UBE2E3: variants seen among roughly 807,000 people sequenced by gnomAD.
UBE2E3 encodes the protein ubiquitin-conjugating enzyme E2 E3.
A neutral mutation model predicts 23.6 loss-of-function variants in UBE2E3; 5 were observed. That is an observed-to-expected ratio of 0.21 (90% confidence interval 0.11 to 0.44). The LOEUF (loss-of-function observed/expected upper bound fraction) is 0.44. UBE2E3 is among the 20% of genes least tolerant of loss of function. The pLI, the probability that UBE2E3 is intolerant of heterozygous loss-of-function variation, is 0.99. For synonymous variants in UBE2E3, 78 were observed against 87.5 expected, an observed-to-expected ratio of 0.89 and a Z score of 0.60; for missense variants, 81 against 249.8, an observed-to-expected ratio of 0.32 and a Z score of 4.55.
At chr2:181,023,480 A>T (rs550729594) in intron 3 of UBE2E3, among the ~76,000 whole-genome samples, 4 of 152,296 alleles carry the variant, frequency 2.6e-5, no homozygotes, top group African/African-American at 9.6e-5. Context: ...TCATTTGATA[A>T]TAAGGAGTTT....
chr2:181,049,714 A>C (rs770704837), intron 3 of UBE2E3, among the ~76,000 whole-genome samples: 6 of 152,006 alleles, frequency 3.9e-5, no homozygotes, highest in African/African-American at 7.2e-5. Context: ...CAGATGCCAT[A>C]GTTTTTTTAC....
At chr2:181,022,238 G>T (rs1685727036) in intron 3 of UBE2E3, among the ~76,000 whole-genome samples, 6 of 151,550 alleles carry the variant, frequency 4.0e-5, no homozygotes, top group Admixed American at 4.0e-4. Context: ...AACCTTTTTG[G>T]TTAGACTCTT....
At chr2:181,043,550 AAT>A (rs1228473911) in intron 3 of UBE2E3, among the ~76,000 whole-genome samples, 3 of 152,298 alleles carry the variant, frequency 2.0e-5, no homozygotes, top group Middle Eastern at 3.4e-3. Context: ...AAAATCCAAA[AAT>A]ATAAAAAAAG....
intron 3 of UBE2E3, among the ~76,000 whole-genome samples, chr2:181,051,742 A>G (rs529419747): frequency 6.6e-6 from 1 of 151,960 alleles, no homozygotes; most frequent in African/African-American, 2.4e-5. Flanking sequence ...TATGTGTGCA[A>G]ATTCTTAGGA....
chr2:181,060,537 A>T, intron 4 of UBE2E3, 128 bp from the exon 5 acceptor site: 1 of 1,015,304 alleles, frequency 9.8e-7, no homozygotes, highest in Non-Finnish European at 1.3e-6. Flanking sequence ...TATTAAACCT[A>T]ATCTAAGTTT....
At chr2:181,025,269 A>C (rs1449155877) in intron 3 of UBE2E3, among the ~76,000 whole-genome samples, 1 of 151,964 alleles carries the variant, frequency 6.6e-6, no homozygotes, top group African/African-American at 2.4e-5. Flanking sequence ...TAGACCACAG[A>C]AACCTTGCTC....
At chr2:180,998,352 A>G (rs1684892893) in intron 3 of UBE2E3, among the ~76,000 whole-genome samples, 1 of 152,054 alleles carries the variant, frequency 6.6e-6, no homozygotes, top group Admixed American at 6.6e-5. Flanking sequence ...GTGGCCTACT[A>G]AATGTGCATT....
chr2:181,014,480 A>G (rs1401669847), intron 3 of UBE2E3, among the ~76,000 whole-genome samples: 2 of 152,178 alleles, frequency 1.3e-5, no homozygotes, highest in African/African-American at 4.8e-5. Context: ...TTAACTTTTA[A>G]TGATTGATTA....
At chr2:181,038,112 C>G (rs899289378) in intron 3 of UBE2E3, among the ~76,000 whole-genome samples, 1 of 152,216 alleles carries the variant, frequency 6.6e-6, no homozygotes, top group Non-Finnish European at 1.5e-5. Flanking sequence ...CTACTCACCC[C>G]TGACTCACCC....
At chr2:181,018,694 C>G (rs1685576936) in intron 3 of UBE2E3, among the ~76,000 whole-genome samples, 1 of 150,066 alleles carries the variant, frequency 6.7e-6, no homozygotes, top group Non-Finnish European at 1.5e-5. Context: ...CTCACACTTT[C>G]CCAGTCCTCC....
intron 3 of UBE2E3, among the ~76,000 whole-genome samples, chr2:181,031,870 A>G (rs539195705): frequency 2.6e-5 from 4 of 152,298 alleles, no homozygotes; most frequent in African/African-American, 9.6e-5. Context: ...AATTTTAATC[A>G]GCTCCTTTCC....
intron 3 of UBE2E3, among the ~76,000 whole-genome samples, chr2:181,036,119 CAAAG>C (rs967698600): frequency 9.9e-5 from 15 of 152,202 alleles, no homozygotes; most frequent in Middle Eastern, 3.4e-3. Flanking sequence ...CTAATTTTTG[CAAAG>C]AAAGAACGAA....
chr2:181,033,511 C>T (rs1291938420), intron 3 of UBE2E3, among the ~76,000 whole-genome samples: 2 of 152,140 alleles, frequency 1.3e-5, no homozygotes, highest in African/African-American at 4.8e-5. Flanking sequence ...CTTCCTTACA[C>T]CTTATACAAA....
intron 3 of UBE2E3, among the ~76,000 whole-genome samples, chr2:181,050,885 T>C (rs188551186): frequency 1.3e-5 from 2 of 152,082 alleles, no homozygotes; most frequent in Admixed American, 1.3e-4. Context: ...TCTGGTGTGC[T>C]TTGAAACTTC....
intron 3 of UBE2E3, among the ~76,000 whole-genome samples, chr2:180,995,743 T>C (rs531987119): frequency 1.3e-5 from 2 of 152,044 alleles, no homozygotes; most frequent in East Asian, 3.9e-4. Context: ...GGCTGGATTT[T>C]TTTTTTTTTT....
intron 3 of UBE2E3, among the ~76,000 whole-genome samples, chr2:180,985,170 G>A (rs1042631961): frequency 6.6e-6 from 1 of 152,124 alleles, no homozygotes; most frequent in African/African-American, 2.4e-5. Flanking sequence ...TGAATGAACA[G>A]TTTGCTTGTA....
At chr2:181,034,701 T>A (rs1274772668) in intron 3 of UBE2E3, among the ~76,000 whole-genome samples, 1 of 152,118 alleles carries the variant, frequency 6.6e-6, no homozygotes, top group Non-Finnish European at 1.5e-5. Context: ...AGAAATTTCC[T>A]GGAACTAGCA....
At chr2:181,036,460 G>C (rs1686287002) in intron 3 of UBE2E3, among the ~76,000 whole-genome samples, 2 of 152,226 alleles carry the variant, frequency 1.3e-5, no homozygotes, top group South Asian at 4.1e-4. Context: ...GCCATTGTGT[G>C]GAGTTTGCAT....
At chr2:181,040,212 T>C (rs1473068010) in intron 3 of UBE2E3, among the ~76,000 whole-genome samples, 3 of 152,272 alleles carry the variant, frequency 2.0e-5, no homozygotes, top group Non-Finnish European at 4.4e-5. Context: ...TATAGTCATA[T>C]ATTCATAGAG....
Sources: allele counts gnomAD v4.1 joint callset (sites outside exome capture counted in the v4.1 genomes callset), GRCh38; gene constraint gnomAD v4.1.1; transcripts MANE v1.5; gene names NCBI Gene and HGNC (gene_info 2026-07-23, HGNC 2026-07-21).